The following FHOD3 variants were observed in gnomAD, a reference collection of about 807,000 sequenced individuals.
FHOD3 encodes the protein formin homology 2 domain containing 3.
Under a neutral mutation model 173.0 loss-of-function variants are expected in FHOD3, and 90 were observed. The observed-to-expected ratio is 0.52, with a 90% CI of 0.44 to 0.62. The LOEUF (loss-of-function observed/expected upper bound fraction) is 0.62. FHOD3 is among the 20% of genes least tolerant of loss of function. The pLI is 0.00. For missense variants in FHOD3, 1,945 were observed against 2,034.7 expected, an observed-to-expected ratio of 0.96 and a Z score of 0.85; for synonymous variants, 828 against 823.0, an observed-to-expected ratio of 1.01 and a Z score of -0.10.
intron 3 of FHOD3, among the ~76,000 whole-genome samples, chr18:36,481,107 A>G (rs1268368999): frequency 1.4e-5 from 2 of 147,618 alleles, no homozygotes; most frequent in Admixed American, 6.7e-5. Context: ...GGTGTTGGAA[A>G]TAAACCTTAA....
At chr18:36,462,582 G>A (rs373246005) in intron 3 of FHOD3, among the ~76,000 whole-genome samples, 16 of 132,176 alleles carry the variant, frequency 1.2e-4, no homozygotes, top group African/African-American at 3.9e-4. Context: ...CGCCTGCCTC[G>A]GCATCCCAAA....
At chr18:36,561,396 A>G (rs1772829475) in intron 5 of FHOD3, among the ~76,000 whole-genome samples, 1 of 152,160 alleles carries the variant, frequency 6.6e-6, no homozygotes, top group African/African-American at 2.4e-5. Context: ...GGGCTGGGCT[A>G]GTCTCATACC....
chr18:36,665,828 G>A (rs1351571640), intron 14 of FHOD3, among the ~76,000 whole-genome samples: 1 of 152,252 alleles, frequency 6.6e-6, no homozygotes, highest in Admixed American at 6.5e-5. Flanking sequence ...CACAGGAGAT[G>A]CTGGTGGCAG....
chr18:36,573,614 A>G (rs1004625031), intron 5 of FHOD3, among the ~76,000 whole-genome samples: 21 of 152,268 alleles, frequency 1.4e-4, no homozygotes, highest in Middle Eastern at 3.4e-3. Flanking sequence ...AACTAAAAGA[A>G]GATTTGAGTG....
At chr18:36,510,058 T>A (rs891987969) in intron 4 of FHOD3, among the ~76,000 whole-genome samples, 13 of 152,192 alleles carry the variant, frequency 8.5e-5, no homozygotes, top group African/African-American at 3.1e-4. Flanking sequence ...GGTCGGCGTC[T>A]CCATCATCTC....
At chr18:36,709,421 T>C in intron 18 of FHOD3, 30 bp downstream of exon 18, 1 of 1,593,052 alleles carries the variant, frequency 6.3e-7, no homozygotes, top group Non-Finnish European at 8.6e-7. Context: ...TCAGTCGGCA[T>C]GTGCCAGGGA....
chr18:36,727,011 G>A (rs983782839), intron 19 of FHOD3, among the ~76,000 whole-genome samples: 1 of 152,188 alleles, frequency 6.6e-6, no homozygotes, highest in Non-Finnish European at 1.5e-5. Context: ...TGGATGGATG[G>A]ATGGGTTAGG....
chr18:36,715,065 C>T (rs1229306187), intron 18 of FHOD3, among the ~76,000 whole-genome samples: 1 of 152,186 alleles, frequency 6.6e-6, no homozygotes, highest in Non-Finnish European at 1.5e-5. Context: ...TTAGGATCCA[C>T]TGAGGCCCTG....
intron 4 of FHOD3, among the ~76,000 whole-genome samples, chr18:36,506,433 G>C (rs911284507): frequency 6.6e-6 from 1 of 152,224 alleles, no homozygotes; most frequent in African/African-American, 2.4e-5. Flanking sequence ...GTTTAGTGAT[G>C]ATGGTGAACA....
intron 1 of FHOD3, among the ~76,000 whole-genome samples, chr18:36,352,242 GCTA>G (rs1178411231): frequency 2.6e-5 from 4 of 151,600 alleles, no homozygotes; most frequent in Non-Finnish European, 5.9e-5. Context: ...AGACCCCCCT[GCTA>G]CAAAAAAATA....
At chr18:36,546,730 C>T (rs1247783647) in intron 5 of FHOD3, among the ~76,000 whole-genome samples, 4 of 152,090 alleles carry the variant, frequency 2.6e-5, no homozygotes, top group Admixed American at 2.6e-4. Flanking sequence ...TCTGGCATTC[C>T]CACTGCACAT....
Position 36,717,915 on chromosome 18 carries a change from A to T in FHOD3, c.2617A>T (p.Met873Leu), listed in dbSNP as rs371457682. The stretch of plus-strand genomic sequence containing the variant: ...CACCAACAAACGGTTCATGCTTGAC[A>T]TGCTGTATGCCCATAACAGGAAGTC... Reference protein sequence around the residue: ...ILTNKRFMLDMLYAHNRKSPD... With the variant: ...ILTNKRFMLDLLYAHNRKSPD... The change falls in exon 19 of 29, where the codon ATG becomes TTG. Residue 873 changes from methionine to leucine, a missense_variant. Around this residue, in one of 5 missense-constraint regions of FHOD3, gnomAD observed 1,099 missense variants for 1,051.2 expected, o/e 1.05. Transcript: ENST00000590592. The T allele has an allele frequency of 2.2e-5, 35 of 1,613,746 alleles. No homozygotes were observed. The highest frequency in any genetic ancestry group is 4.0e-5 in the African/African-American group (3 of 74,890).
In FHOD3 at chr18:36,746,086, G is replaced by A. The variant is rs1333605643; in HGVS notation, c.4042-859G>A. ...ATGACTAAAAATCTCTCTGATTTAT[G>A]TAATTTTTAGTCTGGAAATTCTATA... On this transcript the variant is annotated intron_variant, in intron 23 of 28. Coordinates refer to ENST00000590592, the MANE Select transcript of FHOD3 (RefSeq NM_001281740.3). Among the ~76,000 whole-genome samples the A allele has an allele frequency of 5.9e-5, 9 of 151,916 alleles. No individual in the cohort carries two copies. In the South Asian group the frequency reaches 1.5e-3, roughly 25 times the overall value.
intron 13 of FHOD3, among the ~76,000 whole-genome samples, chr18:36,654,437 T>A (rs187803252): frequency 6.6e-6 from 1 of 152,220 alleles, no homozygotes; most frequent in South Asian, 2.1e-4. Flanking sequence ...TTGATATAAT[T>A]TGTCTATTGT....
intron 6 of FHOD3, among the ~76,000 whole-genome samples, chr18:36,593,337 G>A (rs892926413): frequency 3.3e-5 from 5 of 152,182 alleles, no homozygotes; most frequent in African/African-American, 1.2e-4. Flanking sequence ...TCCTCATATA[G>A]GGGAGCTGAG....
Position 36,718,401 on chromosome 18 carries a change from C to A in FHOD3, c.3103C>A (p.Pro1035Thr). 3 of 1,561,474 alleles carry A rather than the reference C, an allele frequency of 1.9e-6. No homozygotes were observed. Among genetic ancestry groups the A allele is most frequent in the Non-Finnish European group, 2.6e-6 (3 of 1,145,840 alleles). ...PPPTFLGLPP[P>T]PPPPLLDSIP... ...ACCCACCTTTCTGGGTTTGCCGCCC[C>A]CACCCCCTCCGCCCCTGTTGGACAG... The change falls in exon 19 of 29, where the codon CCA becomes ACA. Residue 1035 changes from proline to threonine, a missense_variant. Transcript: ENST00000590592.
chr18:36,557,251 C>A (rs931060202), intron 5 of FHOD3, among the ~76,000 whole-genome samples: 1 of 152,046 alleles, frequency 6.6e-6, no homozygotes, highest in Non-Finnish European at 1.5e-5. Context: ...TTTGTATCAC[C>A]TCCTTCATCT....
At chr18:36,556,313 C>T (rs2057882278) in intron 5 of FHOD3, among the ~76,000 whole-genome samples, 1 of 152,060 alleles carries the variant, frequency 6.6e-6, no homozygotes, top group Non-Finnish European at 1.5e-5. Context: ...CCCTCCATAT[C>T]AGCAGGTTCC....
intron 3 of FHOD3, among the ~76,000 whole-genome samples, chr18:36,422,260 CT>C (rs952425648): frequency 1.3e-5 from 2 of 152,010 alleles, no homozygotes; most frequent in African/African-American, 2.4e-5. Flanking sequence ...ACCATATATA[CT>C]TTTTTTTCAT....
Sources: gnomAD v4.1 joint callset for allele counts (sites outside exome capture counted in the v4.1 genomes callset) on GRCh38, gnomAD v4.1.1 for gene constraint, gnomAD v4.1.1 regional missense constraint, MANE v1.5 for transcripts, NCBI Gene and HGNC (gene_info 2026-07-23, HGNC 2026-07-21) for gene names.